Variants in SLC25A15 observed in about 807,000 individuals in gnomAD.
SLC25A15 encodes mitochondrial ornithine transporter 1.
SLC25A15 carries 24 observed loss-of-function variants against 32.3 expected under a neutral mutation model. The observed-to-expected ratio is 0.74, with a 90% CI of 0.54 to 1.04. The LOEUF (loss-of-function observed/expected upper bound fraction) is 1.04. Among genes scored for constraint, SLC25A15 ranks in the 50% least tolerant of loss-of-function variants. SLC25A15 has a pLI of 0.00. For missense variants in SLC25A15, 317 were observed against 374.5 expected, an observed-to-expected ratio of 0.85 and a Z score of 1.27; for synonymous variants, 132 against 142.1, an observed-to-expected ratio of 0.93 and a Z score of 0.51.
At position 40,811,179 on chromosome 13, in the gene SLC25A15, A is replaced by C. The variant is rs775526297; in HGVS notation, c.*1512A>C. On this transcript the variant is annotated 3_prime_UTR_variant, in exon 7 of 7. Transcript: ENST00000338625. ...ACTGTATATGTGATATGAGTTTATA[A>C]AGCAATGGAACATAAGAAAAGCAAT... Among the ~76,000 whole-genome samples the C allele has an allele frequency of 6.6e-6, 1 of 152,180 alleles. No individual in the cohort carries two copies. The highest frequency in any genetic ancestry group is 1.5e-5 in the Non-Finnish European group (1 of 68,034).
rs7322603 is a variant in SLC25A15 at position 40,810,182 on chromosome 13, A to G, written c.*515A>G. ...TGATTATTTTTTATTTTTTTGATAC[A>G]GAGTCTCACTCTGTCACCCAGACTG... On this transcript the variant is annotated 3_prime_UTR_variant, in exon 7 of 7. Transcript: ENST00000338625. 0.39 allele frequency: 68,999 copies of G among 175,702 alleles called. 14,306 individuals carry two copies. The highest frequency in any genetic ancestry group is 0.53 in the East Asian group (3,322 of 6,326). The allele number at this position is 175,702 out of a possible 1,614,324, so 10.9% of individuals were successfully genotyped here. A position where few individuals can be genotyped will look rare whatever the true frequency, so the allele number is the denominator to read the frequency against.
At chr13:40,807,915 A>G (rs1035015312) in intron 5 of SLC25A15, among the ~76,000 whole-genome samples, 4 of 152,240 alleles carry the variant, frequency 2.6e-5, no homozygotes, top group Admixed American at 6.5e-5. Context: ...TTTGGCTCAC[A>G]TAAGTGAGTT....
In SLC25A15 at chr13:40,800,458, T is replaced by C. The variant is rs79156417; in HGVS notation, c.314+1143T>C. 1.4e-3 allele frequency among the ~76,000 whole-genome samples: 213 copies of C among 152,234 alleles called. No individual in the cohort carries two copies. In the East Asian group the frequency reaches 0.023, roughly 16 times the overall value. Reference sequence around the variant, plus strand: ...ATGGAGACTGAACAGAAGCAAAAACTACAGGCAACTGTAGTTTTGTTCCCT... The same window carrying C: ...ATGGAGACTGAACAGAAGCAAAAACCACAGGCAACTGTAGTTTTGTTCCCT... On this transcript the variant is annotated intron_variant, in intron 3 of 6. Transcript: ENST00000338625.
chr13:40,790,167 T>C (rs1386334371), intron 1 of SLC25A15, among the ~76,000 whole-genome samples: 1 of 151,834 alleles, frequency 6.6e-6, no homozygotes, highest in Admixed American at 6.6e-5. Context: ...GGGGACTGGA[T>C]GGCGAGCTGG....
At chr13:40,796,146 T>C (rs1881664054) in intron 2 of SLC25A15, among the ~76,000 whole-genome samples, 1 of 152,222 alleles carries the variant, frequency 6.6e-6, no homozygotes, top group African/African-American at 2.4e-5. Flanking sequence ...GCGATCCATC[T>C]GTAAGCACAG....
In SLC25A15 at chr13:40,811,229, G is replaced by A. The variant is rs1205190482; in HGVS notation, c.*1562G>A. 5.9e-5 allele frequency among the ~76,000 whole-genome samples: 9 copies of A among 152,134 alleles called. No individual in the cohort carries two copies. The highest frequency in any genetic ancestry group is 4.6e-4 in the Admixed American group (7 of 15,280). ...TTGTAGGCCAGGCGCAGTGGCTCAC[G>A]CCTATAATCCCAGCACTTTGGGAGG... On this transcript the variant is annotated 3_prime_UTR_variant, in exon 7 of 7. Coordinates refer to ENST00000338625, the MANE Select transcript of SLC25A15 (RefSeq NM_014252.4).
Position 40,805,106 on chromosome 13 carries a change from G to T in SLC25A15, c.315-12G>T, listed in dbSNP as rs377456199. 15 of 1,613,850 alleles carry T rather than the reference G, an allele frequency of 9.3e-6. No individual in the cohort carries two copies. In the African/African-American group the frequency reaches 1.9e-4, roughly 20 times the overall value. ...GAAACTGAGGGGTAACTGTCTGCTT[G>T]TGTGCTTTCAGTGATCTGCAGAATG... On this transcript the variant is annotated splice_polypyrimidine_tract_variant and intron_variant, in intron 3 of 6. Transcript: ENST00000338625.
At chr13:40,792,422 C>T (rs375499600) in intron 1 of SLC25A15, among the ~76,000 whole-genome samples, 1 of 152,272 alleles carries the variant, frequency 6.6e-6, no homozygotes, top group African/African-American at 2.4e-5. Context: ...AGCAAGGCCC[C>T]CAGGCTACTC....
intron 3 of SLC25A15, among the ~76,000 whole-genome samples, chr13:40,800,404 C>T (rs1349412034): frequency 6.6e-6 from 1 of 152,146 alleles, no homozygotes; most frequent in African/African-American, 2.4e-5. Flanking sequence ...ACAAGCAGGG[C>T]ACAAACCAGG....
At position 40,793,116 on chromosome 13, in the gene SLC25A15, G is replaced by A; in HGVS notation, c.-69-42G>A. The A allele has an allele frequency of 2.8e-6, 3 of 1,074,034 alleles. No homozygotes were observed. The South Asian group carries it at 3.9e-5, about 14-fold the overall frequency. The allele number at this position is 1,074,034 out of a possible 1,614,324, so 66.5% of individuals were successfully genotyped here. ...TGGCTGCAGGCCTAGAGAACAGGAT[G>A]CTGCAGACTTGGACTAATGGTGAAC... On this transcript the variant is annotated intron_variant, in intron 1 of 6. Coordinates refer to ENST00000338625, the MANE Select transcript of SLC25A15 (RefSeq NM_014252.4).
chr13:40,805,131 G>A lies in SLC25A15; in HGVS notation c.328G>A (p.Ala110Thr). 6.2e-7 allele frequency: 1 copy of A among 1,614,132 alleles called. No individual in the cohort carries two copies. The highest frequency in any genetic ancestry group is 8.5e-7 in the Non-Finnish European group (1 of 1,180,004). The change falls in exon 4 of 7, where the codon GCA (alanine) becomes ACA (threonine). Residue 110 changes from alanine to threonine, a missense_variant. Ala to Thr is a moderately conservative substitution (Grantham distance 58). Coordinates refer to ENST00000338625, the MANE Select transcript of SLC25A15 (RefSeq NM_014252.4). Reference protein sequence around the residue: ...KQAKLSDLQNAAAGSFASAFA... With the variant: ...KQAKLSDLQNTAAGSFASAFA... Reference sequence around the variant, plus strand: ...GTGTGCTTTCAGTGATCTGCAGAATGCAGCCGCCGGTTCCTTCGCCTCTGC... The same window carrying A: ...GTGTGCTTTCAGTGATCTGCAGAATACAGCCGCCGGTTCCTTCGCCTCTGC...
intron 5 of SLC25A15, 26 bp downstream of exon 5, chr13:40,807,489 T>C (rs2138056951): frequency 1.2e-6 from 2 of 1,611,538 alleles, no homozygotes; most frequent in East Asian, 4.5e-5. Flanking sequence ...TTGACAGCAG[T>C]GGGGTGTGAT....
At chr13:40,790,338 C>T (rs1452699502) in intron 1 of SLC25A15, among the ~76,000 whole-genome samples, 1 of 152,146 alleles carries the variant, frequency 6.6e-6, no homozygotes, top group African/African-American at 2.4e-5. Context: ...CTCAGTTGCA[C>T]CCTGGTGTAA....
chr13:40,791,096 C>T (rs907598878), intron 1 of SLC25A15, among the ~76,000 whole-genome samples: 7 of 151,572 alleles, frequency 4.6e-5, no homozygotes, highest in African/African-American at 1.2e-4. Flanking sequence ...TTTTCTTTCC[C>T]AAAAATATAG....
chr13:40,793,960 G>T (rs566499556), intron 2 of SLC25A15, among the ~76,000 whole-genome samples: 151 of 152,318 alleles, frequency 9.9e-4, no homozygotes, highest in African/African-American at 3.5e-3. Flanking sequence ...AGCCCTTGTT[G>T]TGCAAAAATA....
intron 2 of SLC25A15, among the ~76,000 whole-genome samples, chr13:40,794,194 T>C (rs1395579114): frequency 6.6e-6 from 1 of 152,002 alleles, no homozygotes; most frequent in Non-Finnish European, 1.5e-5. Flanking sequence ...TACAAAATTA[T>C]CCAGGCGTGG....
At chr13:40,793,096 G>A (rs927227260) in intron 1 of SLC25A15, 62 bp from the exon 2 acceptor site, 6 of 887,518 alleles carry the variant, frequency 6.8e-6, no homozygotes, top group African/African-American at 4.9e-5. Context: ...TAATTTGGCT[G>A]CAGGCCTAGA....
rs1882440947 is a variant in SLC25A15 at position 40,811,333 on chromosome 13, A to G, written c.*1666A>G. On this transcript the variant is annotated 3_prime_UTR_variant, in exon 7 of 7. Coordinates refer to ENST00000338625, the MANE Select transcript of SLC25A15 (RefSeq NM_014252.4). ...GTGAAACCCCATCTCTACTAAAAAT[A>G]CAAAAATTAGCTGGGCGTGGTGGCA... 6.6e-6 allele frequency among the ~76,000 whole-genome samples: 1 copy of G among 152,092 alleles called. No homozygotes were observed.
intron 1 of SLC25A15, among the ~76,000 whole-genome samples, chr13:40,791,605 C>T (rs970839522): frequency 3.3e-5 from 5 of 152,034 alleles, no homozygotes; most frequent in Admixed American, 2.0e-4. Context: ...ATCCTCCCAC[C>T]TCAGCCGGCC....
Sources: gnomAD v4.1 joint callset for allele counts (sites outside exome capture counted in the v4.1 genomes callset) on GRCh38, gnomAD v4.1.1 for gene constraint, MANE v1.5 for transcripts, NCBI Gene and HGNC (gene_info 2026-07-23, HGNC 2026-07-21) for gene names.